GPHN: variants seen among roughly 807,000 people sequenced by gnomAD.
GPHN encodes gephyrin.
GPHN carries 17 observed loss-of-function variants against 95.5 expected under a neutral mutation model. The ratio of observed to expected loss-of-function variants is 0.18; its 90% CI spans 0.12 to 0.27. The LOEUF is 0.27. GPHN is among the 10% of genes least tolerant of loss of function. GPHN has a pLI of 1.00. For missense variants in GPHN, 660 were observed against 978.1 expected (o/e 0.67, Z 4.34); for synonymous variants, 320 against 322.5 (o/e 0.99, Z 0.08).
At chr14:66,954,818 C>G (rs911690935) in intron 8 of GPHN, among the ~76,000 whole-genome samples, 5 of 152,114 alleles carry the variant, frequency 3.3e-5, no homozygotes, top group Admixed American at 3.3e-4. Flanking sequence ...GTGTTTTATC[C>G]TGAAAGCATA....
the GPHN span, among the ~76,000 whole-genome samples, chr14:67,728,986 T>C: frequency 8.5e-5 from 13 of 152,266 alleles, no homozygotes; most frequent in Middle Eastern, 3.4e-3. Context: ...TTTTGGAACA[T>C]AGAAGGCTGA....
Position 66,938,547 on chromosome 14 carries a change from GC to G in GPHN, c.828+14257del, listed in dbSNP as rs1358468355. On this transcript the variant is annotated intron_variant, in intron 8 of 22. Coordinates refer to ENST00000478722, the MANE Select transcript of GPHN (RefSeq NM_020806.5). ...GCTTTCATGAAACTTTCTGCTTCTGGCCTGAGAGAGTTTTAGAAATTCTAAC... is the reference window on the plus strand; with the variant it reads ...GCTTTCATGAAACTTTCTGCTTCTGGCTGAGAGAGTTTTAGAAATTCTAAC... Among the ~76,000 whole-genome samples, 4 of 151,912 alleles carry G rather than the reference GC, an allele frequency of 2.6e-5. 1 individual carries two copies. The highest frequency in any genetic ancestry group is 1.3e-4 in the Admixed American group (2 of 15,240).
At chr14:67,551,848 C>T in the GPHN span, among the ~76,000 whole-genome samples, 2 of 151,984 alleles carry the variant, frequency 1.3e-5, no homozygotes, top group Non-Finnish European at 2.9e-5. Context: ...GCCACTCCAG[C>T]CTGGGCGACA....
the GPHN span, among the ~76,000 whole-genome samples, chr14:67,216,730 A>G: frequency 6.6e-6 from 1 of 151,700 alleles, no homozygotes; most frequent in Non-Finnish European, 1.5e-5. Flanking sequence ...GTTGTTATTG[A>G]TTTCTAGTTT....
chr14:67,205,835 T>A, the GPHN span, among the ~76,000 whole-genome samples: 1 of 152,128 alleles, frequency 6.6e-6, no homozygotes, highest in Non-Finnish European at 1.5e-5. Context: ...GCAGGATGGA[T>A]TATAGGTAAA....
chr14:66,986,862 C>G (rs1208959609), intron 9 of GPHN, among the ~76,000 whole-genome samples: 1 of 152,118 alleles, frequency 6.6e-6, no homozygotes, highest in Admixed American at 6.6e-5. Flanking sequence ...CCTCTCCTTG[C>G]CTCTTCTGCC....
At chr14:67,642,376 C>T in the GPHN span, 3 of 1,612,610 alleles carry the variant, frequency 1.9e-6, no homozygotes, top group Admixed American at 1.7e-5. Flanking sequence ...AAGCTGGGAG[C>T]CAGGCGTGGT....
chr14:67,395,493 TGATCTC>T, the GPHN span: 1 of 1,614,010 alleles, frequency 6.2e-7, no homozygotes, highest in Non-Finnish European at 8.5e-7. Flanking sequence ...ATAGCCCCGG[TGATCTC>T]AAAGGCCCAG....
At chr14:67,390,173 T>A in the GPHN span, among the ~76,000 whole-genome samples, 2 of 152,276 alleles carry the variant, frequency 1.3e-5, no homozygotes, top group Non-Finnish European at 2.9e-5. Context: ...GATTTTTTTT[T>A]AATTTGCCAT....
chr14:66,621,794 A>G (rs1265590565), intron 1 of GPHN, among the ~76,000 whole-genome samples: 1 of 152,204 alleles, frequency 6.6e-6, no homozygotes, highest in Non-Finnish European at 1.5e-5. Context: ...TGCTGATGCA[A>G]GAGGTGGGTT....
chr14:67,008,381 G>A (rs953778955), intron 9 of GPHN, among the ~76,000 whole-genome samples: 7 of 151,556 alleles, frequency 4.6e-5, no homozygotes, highest in Admixed American at 2.0e-4. Flanking sequence ...GCTTGAACCC[G>A]GGAGGTGGAG....
the GPHN span, among the ~76,000 whole-genome samples, chr14:67,539,880 G>T: frequency 6.6e-6 from 1 of 152,152 alleles, no homozygotes; most frequent in Non-Finnish European, 1.5e-5. Flanking sequence ...GGCAACACAT[G>T]CCTGGCATAC....
At chr14:67,339,946 A>C in the GPHN span, 2 of 152,592 alleles carry the variant, frequency 1.3e-5, no homozygotes, top group Non-Finnish European at 2.9e-5. Context: ...CTAAAAGTAC[A>C]AAAAAATTAT....
chr14:67,174,895 G>A (rs2082834970), intron 21 of GPHN, among the ~76,000 whole-genome samples: 1 of 152,158 alleles, frequency 6.6e-6, no homozygotes, highest in African/African-American at 2.4e-5. Context: ...AGAAGTGTCT[G>A]TTCATATCCT....
chr14:67,225,051 TC>T, the GPHN span: 1 of 1,438,262 alleles, frequency 7.0e-7, no homozygotes, highest in Non-Finnish European at 9.2e-7. Flanking sequence ...TGGCTTTTTT[TC>T]TTTCTCACTT....
At chr14:67,583,727 T>C in the GPHN span, 1 of 1,604,794 alleles carries the variant, frequency 6.2e-7, no homozygotes, top group Non-Finnish European at 8.5e-7. Flanking sequence ...TCTCTTCATA[T>C]GCTTCTACCA....
the GPHN span, chr14:67,320,537 G>C: frequency 1.7e-5 from 13 of 773,268 alleles, no homozygotes; most frequent in Non-Finnish European, 2.2e-5. Flanking sequence ...CAAAGATTTT[G>C]ACAATTTTTA....
At chr14:67,327,589 G>A in the GPHN span, among the ~76,000 whole-genome samples, 3 of 151,860 alleles carry the variant, frequency 2.0e-5, no homozygotes, top group South Asian at 2.1e-4. Context: ...TGCTGCACCC[G>A]TTAACTCGTC....
At chr14:67,084,734 G>C (rs2076819341) in intron 11 of GPHN, among the ~76,000 whole-genome samples, 1 of 152,160 alleles carries the variant, frequency 6.6e-6, no homozygotes. Flanking sequence ...CTTGGTAAGA[G>C]ACAGAAGATC....
Sources: allele counts gnomAD v4.1 joint callset (sites outside exome capture counted in the v4.1 genomes callset), GRCh38; gene constraint gnomAD v4.1.1; transcripts MANE v1.5; gene names NCBI Gene and HGNC (gene_info 2026-07-23, HGNC 2026-07-21).